The following MGAT5 variants were observed in gnomAD, a reference collection of about 807,000 sequenced individuals.
MGAT5 encodes alpha-1,6-mannosylglycoprotein 6-beta-N-acetylglucosaminyltransferase.
MGAT5 carries 30 observed loss-of-function variants against 94.3 expected under a neutral mutation model. That is an observed-to-expected ratio of 0.32 (90% CI 0.24 to 0.43). MGAT5 has a LOEUF of 0.43. MGAT5 is among the 20% of genes least tolerant of loss of function. The pLI is 1.00. For missense variants in MGAT5, 691 were observed against 905.5 expected (o/e 0.76, Z 3.04); for synonymous variants, 310 against 322.9 (o/e 0.96, Z 0.43).
intron 10 of MGAT5, among the ~76,000 whole-genome samples, chr2:134,367,395 T>G (rs1352868752): frequency 2.0e-5 from 3 of 152,254 alleles, no homozygotes; most frequent in Non-Finnish European, 1.5e-5. Flanking sequence ...AACTCTAGAC[T>G]GTGGACCAAA....
intron 1 of MGAT5, among the ~76,000 whole-genome samples, chr2:134,162,189 C>CAA (rs201125481): frequency 6.7e-6 from 1 of 148,558 alleles, no homozygotes. Context: ...GACTCCATGT[C>CAA]AAAAAAAAAC....
intron 9 of MGAT5, among the ~76,000 whole-genome samples, chr2:134,356,121 A>G (rs898640143): frequency 1.3e-5 from 2 of 152,218 alleles, no homozygotes; most frequent in Non-Finnish European, 2.9e-5. Flanking sequence ...ATGTGAAGAC[A>G]CACAAGAATT....
intron 1 of MGAT5, among the ~76,000 whole-genome samples, chr2:134,267,086 G>A (rs577782907): frequency 5.9e-5 from 9 of 152,138 alleles, no homozygotes; most frequent in Non-Finnish European, 1.2e-4. Context: ...AGTCTTAAGA[G>A]TGATTGGTAT....
chr2:134,409,125 T>C (rs1426822441), intron 11 of MGAT5, among the ~76,000 whole-genome samples: 1 of 152,178 alleles, frequency 6.6e-6, no homozygotes, highest in Non-Finnish European at 1.5e-5. Context: ...CTAAATGATA[T>C]AAGGCCATGA....
chr2:134,306,835 C>A (rs1686358570), intron 2 of MGAT5, among the ~76,000 whole-genome samples: 2 of 152,086 alleles, frequency 1.3e-5, no homozygotes, highest in East Asian at 3.9e-4. Flanking sequence ...AAGACAAAGC[C>A]CCTGCCTTTT....
intron 9 of MGAT5, among the ~76,000 whole-genome samples, chr2:134,350,535 A>G (rs1679316100): frequency 6.6e-6 from 1 of 152,176 alleles, no homozygotes; most frequent in Admixed American, 6.5e-5. Context: ...TAGTAAGAAC[A>G]GCACACCAAA....
At chr2:134,371,909 A>G (rs1558833409) in intron 10 of MGAT5, among the ~76,000 whole-genome samples, 1 of 151,484 alleles carries the variant, frequency 6.6e-6, no homozygotes, top group Non-Finnish European at 1.5e-5. Flanking sequence ...GTTCATTCTT[A>G]GAACCTAGGT....
At chr2:134,213,642 C>A (rs778924628) in intron 1 of MGAT5, among the ~76,000 whole-genome samples, 1 of 152,130 alleles carries the variant, frequency 6.6e-6, no homozygotes, top group Non-Finnish European at 1.5e-5. Context: ...TTCCTACAAC[C>A]CCCTCTTCAA....
intron 10 of MGAT5, among the ~76,000 whole-genome samples, chr2:134,391,936 G>A (rs1682442078): frequency 6.6e-6 from 1 of 152,192 alleles, no homozygotes; most frequent in African/African-American, 2.4e-5. Context: ...CACATAGCCA[G>A]CAAAGGGCAA....
chr2:134,175,534 C>T (rs1353026114), intron 1 of MGAT5, among the ~76,000 whole-genome samples: 2 of 152,154 alleles, frequency 1.3e-5, no homozygotes, highest in African/African-American at 4.8e-5. Context: ...CCATCTATTT[C>T]CCCTCTTAAT....
At chr2:134,270,584 T>C (rs368531067) in intron 2 of MGAT5, 34 bp downstream of exon 2, 1 of 1,607,756 alleles carries the variant, frequency 6.2e-7, no homozygotes, top group Non-Finnish European at 8.5e-7. Context: ...TGATATGGAG[T>C]CACACCCTGC....
At chr2:134,360,933 G>C (rs1680048871) in intron 9 of MGAT5, among the ~76,000 whole-genome samples, 1 of 152,164 alleles carries the variant, frequency 6.6e-6, no homozygotes, top group African/African-American at 2.4e-5. Flanking sequence ...CAAAAGCCTG[G>C]GAAACGGAGG....
chr2:134,177,929 G>A (rs1688556361), intron 1 of MGAT5, among the ~76,000 whole-genome samples: 1 of 152,226 alleles, frequency 6.6e-6, no homozygotes, highest in South Asian at 2.1e-4. Context: ...AACTGCATAG[G>A]TGTATCGGTG....
intron 1 of MGAT5, among the ~76,000 whole-genome samples, chr2:134,236,948 A>G (rs1681669498): frequency 6.6e-6 from 1 of 152,150 alleles, no homozygotes; most frequent in Non-Finnish European, 1.5e-5. Flanking sequence ...CCTTTTATAT[A>G]GTTTTCATCC....
At chr2:134,321,436 C>T (rs935470177) in intron 4 of MGAT5, among the ~76,000 whole-genome samples, 2 of 152,114 alleles carry the variant, frequency 1.3e-5, no homozygotes, top group Admixed American at 6.6e-5. Context: ...ATGGAAGAGA[C>T]TGCAGTTATT....
intron 2 of MGAT5, among the ~76,000 whole-genome samples, chr2:134,309,804 T>C (rs910873494): frequency 6.6e-6 from 1 of 152,176 alleles, no homozygotes; most frequent in Non-Finnish European, 1.5e-5. Flanking sequence ...TAGGTCCCCT[T>C]TTTAATACTA....
intron 1 of MGAT5, among the ~76,000 whole-genome samples, chr2:134,220,954 C>T (rs1257179): frequency 0.45 from 67,720 of 151,930 alleles, 15,682 homozygotes; most frequent in East Asian, 0.64. Context: ...AGCTAATTTT[C>T]CCCCATTTAC....
At chr2:134,191,221 A>G (rs76590164) in intron 1 of MGAT5, among the ~76,000 whole-genome samples, 3,560 of 152,372 alleles carry the variant, frequency 0.023, 142 homozygotes, top group African/African-American at 0.08. Context: ...AAGTGACAAT[A>G]AAACGTACAC....
intron 1 of MGAT5, among the ~76,000 whole-genome samples, chr2:134,227,556 A>C (rs1681126545): frequency 6.6e-6 from 1 of 152,184 alleles, no homozygotes; most frequent in African/African-American, 2.4e-5. Context: ...ATACCTCTCA[A>C]ACCTCTTTGT....
Sources: allele counts gnomAD v4.1 joint callset (sites outside exome capture counted in the v4.1 genomes callset), GRCh38; gene constraint gnomAD v4.1.1; transcripts MANE v1.5; gene names NCBI Gene and HGNC (gene_info 2026-07-23, HGNC 2026-07-21).